Variants in PIBF1 observed in about 807,000 individuals in gnomAD.
PIBF1 encodes progesterone immunomodulatory binding factor 1.
Under a neutral mutation model 112.5 loss-of-function variants are expected in PIBF1, and 90 were observed. The observed-to-expected ratio is 0.80, with a 90% CI of 0.67 to 0.95. The LOEUF (loss-of-function observed/expected upper bound fraction) is 0.95, where lower values mean the gene tolerates loss of function less well. Among genes scored for constraint, PIBF1 ranks in the 40% least tolerant of loss-of-function variants. The pLI is 0.00. For synonymous variants in PIBF1, 301 were observed against 288.6 expected (o/e 1.04, Z -0.44); for missense variants, 915 against 852.3 (o/e 1.07, Z -0.92).
At chr13:72,806,733 TG>T (rs2035754768) in intron 5 of PIBF1, among the ~76,000 whole-genome samples, 1 of 152,232 alleles carries the variant, frequency 6.6e-6, no homozygotes, top group Non-Finnish European at 1.5e-5. Context: ...TAGTATTCCA[TG>T]GTGTATATGT....
chr13:72,946,760 G>A (rs1217593245), intron 14 of PIBF1, among the ~76,000 whole-genome samples: 4 of 152,176 alleles, frequency 2.6e-5, no homozygotes, highest in Non-Finnish European at 5.9e-5. Flanking sequence ...GCTCCGAAAT[G>A]ACCTCCTTTG....
At chr13:72,808,308 C>T (rs2035838059) in intron 5 of PIBF1, among the ~76,000 whole-genome samples, 1 of 152,146 alleles carries the variant, frequency 6.6e-6, no homozygotes. Context: ...CTTTAAAATT[C>T]TTGTCTGCTA....
chr13:72,883,997 A>G (rs2039747113), intron 10 of PIBF1, among the ~76,000 whole-genome samples: 1 of 152,226 alleles, frequency 6.6e-6, no homozygotes, highest in Non-Finnish European at 1.5e-5. Flanking sequence ...ATTGTTTGTA[A>G]CACAAAAGAT....
At chr13:72,927,488 G>C (rs1191495566) in intron 13 of PIBF1, among the ~76,000 whole-genome samples, 2 of 151,904 alleles carry the variant, frequency 1.3e-5, no homozygotes, top group East Asian at 3.9e-4. Flanking sequence ...TGGTGACAGA[G>C]CAAGACTCCA....
rs773730083 is a variant in PIBF1 at position 72,827,057 on chromosome 13, A to G, written c.854A>G (p.His285Arg). The change falls in exon 7 of 18, where the codon CAT becomes CGT. Residue 285 changes from histidine to arginine, a missense_variant. Physicochemically the swap from His to Arg is conservative, Grantham distance 29 (BLOSUM62 0). Coordinates refer to ENST00000326291, the MANE Select transcript of PIBF1 (RefSeq NM_006346.4). Reference sequence around the variant, plus strand: ...GAAGTAATTGAGCTTAGGAGAAAACATGAAATACTTGAAGCCTCTCACATG... The same window carrying G: ...GAAGTAATTGAGCTTAGGAGAAAACGTGAAATACTTGAAGCCTCTCACATG... ...EQEVIELRRK[H>R]EILEASHMIQ... 2.5e-6 allele frequency: 4 copies of G among 1,606,726 alleles called. No individual in the cohort carries two copies. The highest frequency in any genetic ancestry group is 3.4e-6 in the Non-Finnish European group (4 of 1,176,628).
intron 2 of PIBF1, among the ~76,000 whole-genome samples, chr13:72,786,063 T>C (rs894599030): frequency 6.6e-6 from 1 of 152,228 alleles, no homozygotes; most frequent in Non-Finnish European, 1.5e-5. Flanking sequence ...AAAATGATAA[T>C]AGTATTTATT....
intron 16 of PIBF1, among the ~76,000 whole-genome samples, chr13:72,990,318 G>A (rs1475033547): frequency 6.6e-6 from 1 of 150,944 alleles, no homozygotes; most frequent in Non-Finnish European, 1.5e-5. Context: ...CCAGGAGTTC[G>A]AGACCAGCCT....
chr13:72,893,801 T>G lies in PIBF1; in HGVS notation c.1340T>G (p.Leu447Arg). Residue 447 changes from leucine to arginine, a missense_variant, in exon 11 of 18, where the codon CTT becomes CGT. Coordinates refer to ENST00000326291, the MANE Select transcript of PIBF1 (RefSeq NM_006346.4). ...TCTTTCAGGTACAGAGAACTACAACTTAGTACAGAAAGCAAAGTAACAGAA... is the reference window on the plus strand; with the variant it reads ...TCTTTCAGGTACAGAGAACTACAACGTAGTACAGAAAGCAAAGTAACAGAA... ...QLLDRYRELQLSTESKVTEFL... is the reference protein window; with the variant it reads ...QLLDRYRELQRSTESKVTEFL... 1 of 1,597,412 alleles carries G rather than the reference T, an allele frequency of 6.3e-7. No individual in the cohort carries two copies. The highest frequency in any genetic ancestry group is 1.7e-5 in the Admixed American group (1 of 57,836).
chr13:72,905,654 A>T (rs907793705), intron 11 of PIBF1, among the ~76,000 whole-genome samples: 1 of 152,114 alleles, frequency 6.6e-6, no homozygotes, highest in Non-Finnish European at 1.5e-5. Context: ...GTTGCAGGTG[A>T]TTCTCCCACA....
rs545002732 is a variant in PIBF1 at position 72,810,072 on chromosome 13, A to C, written c.673-11777A>C. Among the ~76,000 whole-genome samples the C allele has an allele frequency of 9.8e-5, 15 of 152,308 alleles. No individual in the cohort carries two copies. The South Asian group carries it at 2.7e-3, about 27-fold the overall frequency. On this transcript the variant is annotated intron_variant, in intron 5 of 17. Transcript: ENST00000326291. ...TACTTCAAGTCCGGAGTTTATTTAA[A>C]AGTGTCAGTAATGTAGTCTAATTCT...
At position 73,005,593 on chromosome 13, in the gene PIBF1, G is replaced by A. The variant is rs539614169; in HGVS notation, c.2223+6598G>A. On this transcript the variant is annotated intron_variant, in intron 17 of 17. Coordinates refer to ENST00000326291, the MANE Select transcript of PIBF1 (RefSeq NM_006346.4). ...TTTTCTCATTTATTCATGAGGGAAAGTTTATAATTTTATCAAAAATGGAAC... is the reference window on the plus strand; with the variant it reads ...TTTTCTCATTTATTCATGAGGGAAAATTTATAATTTTATCAAAAATGGAAC... Among the ~76,000 whole-genome samples, 4 of 151,982 alleles carry A rather than the reference G, an allele frequency of 2.6e-5. No individual in the cohort carries two copies. The South Asian group carries it at 8.3e-4, about 32-fold the overall frequency.
At chr13:72,901,514 C>G (rs992267547) in intron 11 of PIBF1, among the ~76,000 whole-genome samples, 11 of 151,994 alleles carry the variant, frequency 7.2e-5, no homozygotes, top group Admixed American at 2.0e-4. Context: ...CATGTGAAAC[C>G]CTGTCTACTA....
intron 10 of PIBF1, among the ~76,000 whole-genome samples, chr13:72,873,696 G>T (rs534982859): frequency 6.6e-6 from 1 of 151,760 alleles, no homozygotes; most frequent in Non-Finnish European, 1.5e-5. Context: ...CCTGGCCTAA[G>T]AAAAACTTGA....
chr13:72,867,120 A>T (rs1439211820), intron 10 of PIBF1, among the ~76,000 whole-genome samples: 1 of 152,200 alleles, frequency 6.6e-6, no homozygotes, highest in Non-Finnish European at 1.5e-5. Context: ...CAGGTGGAAG[A>T]TAATTGAATC....
At chr13:72,923,764 A>G (rs2041380539) in intron 13 of PIBF1, among the ~76,000 whole-genome samples, 1 of 152,180 alleles carries the variant, frequency 6.6e-6, no homozygotes, top group Non-Finnish European at 1.5e-5. Flanking sequence ...CAGGAGTTCG[A>G]GACTAGCCTG....
At chr13:72,921,292 A>G (rs1376036727) in intron 13 of PIBF1, among the ~76,000 whole-genome samples, 2 of 151,954 alleles carry the variant, frequency 1.3e-5, no homozygotes, top group Non-Finnish European at 2.9e-5. Context: ...TAGTAGAGAC[A>G]GGGTTTCACC....
At chr13:72,809,322 C>G (rs992941143) in intron 5 of PIBF1, among the ~76,000 whole-genome samples, 2 of 151,484 alleles carry the variant, frequency 1.3e-5, no homozygotes, top group Admixed American at 1.3e-4. Context: ...ATATTTAGAA[C>G]TTGGAGAATG....
intron 10 of PIBF1, among the ~76,000 whole-genome samples, chr13:72,891,567 G>A (rs2040059048): frequency 6.6e-6 from 1 of 152,014 alleles, no homozygotes; most frequent in African/African-American, 2.4e-5. Flanking sequence ...GATAAGTGTT[G>A]TTAAGAATGT....
chr13:72,968,207 A>C lies in PIBF1; in HGVS notation c.1964+2803A>C, dbSNP rs1329906179. Among the ~76,000 whole-genome samples, 76 of 152,020 alleles carry C rather than the reference A, an allele frequency of 5.0e-4. 2 individuals carry two copies. The highest frequency in any genetic ancestry group is 5.0e-3 in the Admixed American group (76 of 15,264). On this transcript the variant is annotated intron_variant, in intron 15 of 17. Transcript: ENST00000326291. ...TCCAAAAAAAGAAAAATTCTACATC[A>C]GTGCTGTCCAGTATGGTAGCCACTA...
Sources: gnomAD v4.1 joint callset for allele counts (sites outside exome capture counted in the v4.1 genomes callset) on GRCh38, gnomAD v4.1.1 for gene constraint, MANE v1.5 for transcripts, NCBI Gene and HGNC (gene_info 2026-07-23, HGNC 2026-07-21) for gene names.